The following TRPM1 variants were observed in gnomAD, a reference collection of about 807,000 sequenced individuals.
TRPM1 encodes transient receptor potential cation channel subfamily M member 1.
In TRPM1, 113 loss-of-function variants were observed where a neutral mutation model predicts 149.4. The ratio of observed to expected loss-of-function variants is 0.76; its 90% CI spans 0.65 to 0.88. The LOEUF (loss-of-function observed/expected upper bound fraction) is 0.88. Ranked by LOEUF, TRPM1 falls within the 40% of genes least tolerant of loss-of-function variation. The probability of loss-of-function intolerance (pLI) is 0.00; values close to 1 mark genes in which losing one functional copy is unlikely to be tolerated. For missense variants in TRPM1, 1,976 were observed against 2,038.7 expected, an observed-to-expected ratio of 0.97 and a Z score of 0.59; for synonymous variants, 741 against 759.5, an observed-to-expected ratio of 0.98 and a Z score of 0.40.
In TRPM1 at chr15:31,049,658, C is replaced by G. The variant is rs376023890; in HGVS notation, c.1438-149G>C. ...CTCTTTGCTCTTTATCTTGGGTAAA[C>G]ACTCCCCATCTCCCCTCTCCTTTCT... On this transcript the variant is annotated intron_variant, in intron 12 of 27. Coordinates refer to ENST00000256552, the MANE Select transcript of TRPM1 (RefSeq NM_001252024.2). The G allele has an allele frequency of 4.8e-6, 4 of 841,012 alleles. No homozygotes were observed. In the African/African-American group the frequency reaches 6.7e-5, roughly 14 times the overall value. The allele number at this position is 841,012 out of a possible 1,614,324, so 52.1% of individuals were successfully genotyped here. A position where few individuals can be genotyped will look rare whatever the true frequency, so the allele number is the denominator to read the frequency against.
Position 31,155,971 on chromosome 15 carries a change from T to C in TRPM1, c.54+4935A>G, listed in dbSNP as rs537934274. On this transcript the variant is annotated intron_variant, in intron 1 of 26. Coordinates refer to the TRPM1 transcript ENST00000542188. The stretch of plus-strand genomic sequence containing the variant: ...CAGCGCTTTGGGAGGCCAAGGCAGG[T>C]GGATCACTTGAGATCAGGAGTTGAA... Among the ~76,000 whole-genome samples, 57 of 151,976 alleles carry C rather than the reference T, an allele frequency of 3.8e-4. 1 individual carries two copies. Among genetic ancestry groups the C allele is most frequent in the African/African-American group, 1.3e-3 (53 of 41,448 alleles).
At position 31,002,468 on chromosome 15, in the gene TRPM1, C is replaced by T. The variant is rs749454409; in HGVS notation, c.4232G>A (p.Gly1411Glu). 6.2e-7 allele frequency: 1 copy of T among 1,614,212 alleles called. No homozygotes were observed. The highest frequency in any genetic ancestry group is 8.5e-7 in the Non-Finnish European group (1 of 1,180,036). The stretch of plus-strand genomic sequence containing the variant: ...GTTTTGAACATCTGATTTGTCCTGT[C>T]CATGTATCACATCTGTTTTATTTAA... ...PSLNKTDVIH[G>E]QDKSDVQNTQ... Residue 1411 changes from glycine to glutamate, a missense_variant, in exon 28 of 28, where the codon GGA (glycine) becomes GAA (glutamate). Physicochemically the swap from Gly to Glu is moderately conservative, Grantham distance 98 (BLOSUM62 -2). Around this residue, in one of 3 missense-constraint regions of TRPM1, gnomAD observed 572 missense variants for 578.9 expected, o/e 0.99. Coordinates refer to ENST00000256552, the MANE Select transcript of TRPM1 (RefSeq NM_001252024.2).
At chr15:31,070,334 T>C (rs900465416) in intron 3 of TRPM1, 108 bp from the exon 4 acceptor site, 1 of 1,054,532 alleles carries the variant, frequency 9.5e-7, no homozygotes, top group East Asian at 2.4e-5. Context: ...AACAGGAGCC[T>C]ACTAACACTT....
intron 1 of TRPM1, among the ~76,000 whole-genome samples, chr15:31,153,189 C>T (rs992528478): frequency 2.6e-5 from 4 of 152,220 alleles, no homozygotes; most frequent in South Asian, 2.1e-4. Context: ...AACTAAGAGT[C>T]TGGCACCTTT....
intron 24 of TRPM1, 50 bp from the exon 25 acceptor site, chr15:31,028,526 G>A: frequency 6.3e-7 from 1 of 1,584,504 alleles, no homozygotes; most frequent in Non-Finnish European, 8.7e-7. Flanking sequence ...TAATGAAAAG[G>A]ATAAATATCT....
In TRPM1 at chr15:31,037,700, G is replaced by A. The variant is rs758156002; in HGVS notation, c.2571+11C>T. 3 of 1,614,182 alleles carry A rather than the reference G, an allele frequency of 1.9e-6. No homozygotes were observed. Among genetic ancestry groups the A allele is most frequent in the South Asian group, 2.2e-5 (2 of 91,082 alleles). On this transcript the variant is annotated intron_variant, in intron 20 of 27. Coordinates refer to ENST00000256552, the MANE Select transcript of TRPM1 (RefSeq NM_001252024.2). ...TATACTGAATGTCAAATGTTCAGGA[G>A]GAGGCCTCACTGTGTAAAACCAGAA... is the stretch of plus-strand genomic sequence containing the variant.
intron 1 of TRPM1, among the ~76,000 whole-genome samples, chr15:31,112,826 C>A (rs1467001399): frequency 6.6e-6 from 1 of 152,222 alleles, no homozygotes; most frequent in African/African-American, 2.4e-5. Context: ...TATTAAAATT[C>A]TGAGAAGTCC....
In TRPM1 at chr15:31,042,121, C is replaced by T. The variant is rs751491237; in HGVS notation, c.1917G>A (p.Val639=). ...TCTGGCGTTTCATCAGCACTGCCCA[C>T]ACCATCAGCTCGTGGAAGGGATACT... ...RFQYPFHELM[V]WAVLMKRQKM... The change falls in exon 17 of 28, where the codon GTG becomes GTA. Residue 639 remains valine (V), a synonymous_variant. Transcript: ENST00000256552. 2 of 1,614,226 alleles carry T rather than the reference C, an allele frequency of 1.2e-6. No individual in the cohort carries two copies.
chr15:31,103,774 C>G (rs1483879344), upstream of TRPM1, among the ~76,000 whole-genome samples: 1 of 145,406 alleles, frequency 6.9e-6, no homozygotes, highest in East Asian at 2.0e-4. Context: ...GATCACACCA[C>G]TGCACTCCAG....
chr15:31,088,607 A>G (rs1447475775), intron 1 of TRPM1, among the ~76,000 whole-genome samples: 1 of 152,222 alleles, frequency 6.6e-6, no homozygotes, highest in African/African-American at 2.4e-5. Flanking sequence ...ACCGGAAGGA[A>G]GAAACGTAGG....
chr15:31,156,505 A>G (rs556911094), intron 1 of TRPM1, among the ~76,000 whole-genome samples: 45 of 152,140 alleles, frequency 3.0e-4, no homozygotes, highest in Non-Finnish European at 2.6e-4. Flanking sequence ...ATCTTAACCC[A>G]GACACTTCTT....
intron 1 of TRPM1, among the ~76,000 whole-genome samples, chr15:31,146,606 C>T (rs2036227629): frequency 1.3e-5 from 2 of 152,214 alleles, no homozygotes; most frequent in African/African-American, 2.4e-5. Context: ...TAATCCTTAA[C>T]TTGAAATAAC....
At chr15:31,055,284 A>T (rs2034052207) in intron 11 of TRPM1, among the ~76,000 whole-genome samples, 1 of 152,182 alleles carries the variant, frequency 6.6e-6, no homozygotes. Flanking sequence ...CCCTCCCCAG[A>T]TACTATTTAA....
intron 14 of TRPM1, 147 bp from the exon 15 acceptor site, chr15:31,047,398 G>T: frequency 1.2e-6 from 1 of 857,708 alleles, no homozygotes; most frequent in Non-Finnish European, 1.9e-6. Flanking sequence ...CAATATTCAG[G>T]CTGGGGAAAG....
At position 31,060,608 on chromosome 15, in the gene TRPM1, G is replaced by A; in HGVS notation, c.1199C>T (p.Ala400Val). The change falls in exon 11 of 28, where the codon GCA (alanine) becomes GTA (valine). Residue 400 changes from alanine (A) to valine (V), a missense_variant. By Grantham distance (64) the Ala-to-Val change is moderately conservative. This residue lies in a region of TRPM1 where 1,332 missense variants were observed against 1,347.1 expected (regional missense o/e 0.99). Coordinates refer to ENST00000256552, the MANE Select transcript of TRPM1 (RefSeq NM_001252024.2). ...NVSAPDQLSL[A>V]LAWNRVDIAR... ...TATGTCCACGCGGTTCCAAGCCAGT[G>A]CCAAGCTCAGCTGATCTGGAGCAGA... 1 of 1,614,254 alleles carries A rather than the reference G, an allele frequency of 6.2e-7. No individual in the cohort carries two copies. The highest frequency in any genetic ancestry group is 8.5e-7 in the Non-Finnish European group (1 of 1,180,032).
At chr15:31,067,297 G>A (rs998231561) in intron 5 of TRPM1, 110 bp from the exon 6 acceptor site, 1 of 1,476,990 alleles carries the variant, frequency 6.8e-7, no homozygotes, top group African/African-American at 1.4e-5. Context: ...ACAGATCAGG[G>A]GTGAGACACA....
At chr15:31,011,080 A>T (rs2032168347) in intron 27 of TRPM1, among the ~76,000 whole-genome samples, 1 of 152,088 alleles carries the variant, frequency 6.6e-6, no homozygotes, top group Non-Finnish European at 1.5e-5. Context: ...ATTTTACCTG[A>T]TAGGTGTAGC....
chr15:31,028,904 G>T (rs905351879), intron 24 of TRPM1, among the ~76,000 whole-genome samples: 2 of 152,130 alleles, frequency 1.3e-5, no homozygotes, highest in African/African-American at 2.4e-5. Flanking sequence ...GCAGACAAAT[G>T]TATCTTTATG....
chr15:31,098,159 G>A (rs2035434156), intron 1 of TRPM1, among the ~76,000 whole-genome samples: 3 of 152,182 alleles, frequency 2.0e-5, no homozygotes, highest in Non-Finnish European at 4.4e-5. Flanking sequence ...CATCAGGCCG[G>A]GCGTGGTGGC....
Sources: allele counts gnomAD v4.1 joint callset (sites outside exome capture counted in the v4.1 genomes callset), GRCh38; gene constraint gnomAD v4.1.1; regional missense constraint gnomAD v4.1.1; transcripts MANE v1.5; gene names NCBI Gene and HGNC (gene_info 2026-07-23, HGNC 2026-07-21).